NBAS: variants seen among roughly 807,000 people sequenced by gnomAD.
NBAS encodes the protein NBAS subunit of NRZ tethering complex.
A neutral mutation model predicts 302.5 loss-of-function variants in NBAS; 219 were observed. That is an observed-to-expected ratio of 0.72 (90% CI 0.65 to 0.81). The LOEUF is 0.81. Among genes scored for constraint, NBAS ranks in the 30% least tolerant of loss-of-function variants. The pLI is 0.00. For synonymous variants in NBAS, 1,118 were observed against 1,021.6 expected (o/e 1.09, Z -1.80); for missense variants, 2,932 against 2,841.6 (o/e 1.03, Z -0.72).
At chr2:15,172,721 G>C (rs932348120) in intron 51 of NBAS, among the ~76,000 whole-genome samples, 10 of 152,192 alleles carry the variant, frequency 6.6e-5, no homozygotes, top group African/African-American at 2.4e-4. Flanking sequence ...GTCATTTTTG[G>C]ATGCGGTTTG....
intron 38 of NBAS, among the ~76,000 whole-genome samples, chr2:15,325,377 A>T (rs1048004188): frequency 7.1e-6 from 1 of 141,636 alleles, no homozygotes; most frequent in African/African-American, 2.8e-5. Context: ...AAAATCCTTT[A>T]TTGCTAAAAA....
intron 28 of NBAS, among the ~76,000 whole-genome samples, chr2:15,391,870 G>C (rs556412457): frequency 1.4e-5 from 2 of 147,798 alleles, no homozygotes; most frequent in Non-Finnish European, 3.0e-5. Flanking sequence ...TTTCTGTACC[G>C]TAGCATACTA....
At chr2:14,973,241 A>G in the NBAS span, among the ~76,000 whole-genome samples, 1 of 152,186 alleles carries the variant, frequency 6.6e-6, no homozygotes, top group Admixed American at 6.5e-5. Context: ...TGAAGTGACC[A>G]CCTGTTGACA....
At chr2:14,846,850 T>A in the NBAS span, among the ~76,000 whole-genome samples, 20 of 150,898 alleles carry the variant, frequency 1.3e-4, no homozygotes, top group African/African-American at 4.9e-4. Context: ...AAAAGTTAAA[T>A]CATACCACCA....
chr2:15,317,446 C>T (rs1186608338), intron 38 of NBAS, among the ~76,000 whole-genome samples: 1 of 152,184 alleles, frequency 6.6e-6, no homozygotes, highest in Non-Finnish European at 1.5e-5. Context: ...TAATAACAAA[C>T]TTCTCCGAGC....
the NBAS span, among the ~76,000 whole-genome samples, chr2:14,815,925 G>T: frequency 6.6e-6 from 1 of 152,072 alleles, no homozygotes; most frequent in Admixed American, 6.6e-5. Flanking sequence ...TCACACATTG[G>T]TAATTAAATA....
the NBAS span, among the ~76,000 whole-genome samples, chr2:15,121,769 G>A: frequency 6.6e-6 from 1 of 150,918 alleles, no homozygotes; most frequent in Non-Finnish European, 1.5e-5. Context: ...CAAACTTTAT[G>A]GGACTAACCC....
intron 21 of NBAS, among the ~76,000 whole-genome samples, chr2:15,432,827 A>T (rs1677828933): frequency 6.6e-6 from 1 of 152,236 alleles, no homozygotes; most frequent in African/African-American, 2.4e-5. Context: ...AAAGCTAGTT[A>T]TCACTCATAA....
intron 38 of NBAS, among the ~76,000 whole-genome samples, chr2:15,317,409 T>A (rs571856924): frequency 1.3e-5 from 2 of 152,286 alleles, no homozygotes; most frequent in East Asian, 1.9e-4. Context: ...TTTGACAAGT[T>A]AACAGAAGTA....
chr2:15,061,819 C>T, the NBAS span, among the ~76,000 whole-genome samples: 1 of 151,880 alleles, frequency 6.6e-6, no homozygotes, highest in African/African-American at 2.4e-5. Flanking sequence ...GGCTAAAACC[C>T]TTAGTTTATA....
At position 15,473,075 on chromosome 2, in the gene NBAS, G is replaced by C; in HGVS notation, c.1725+147C>G. The C allele has an allele frequency of 3.4e-6, 3 of 888,078 alleles. No individual in the cohort carries two copies. The East Asian group carries it at 8.4e-5, about 25-fold the overall frequency. 55.0% of individuals were successfully genotyped at this position (888,078 alleles called of 1,614,324 possible). On this transcript the variant is annotated intron_variant, in intron 16 of 51. Coordinates refer to ENST00000281513, the MANE Select transcript of NBAS (RefSeq NM_015909.4). ...CAGGGGCAATAAAATCTAACAAAAAGACCATTTTTCCAGCTGAGAAAATTG... is the reference window on the plus strand; with the variant it reads ...CAGGGGCAATAAAATCTAACAAAAACACCATTTTTCCAGCTGAGAAAATTG...
At chr2:14,920,574 A>C in the NBAS span, among the ~76,000 whole-genome samples, 8 of 152,322 alleles carry the variant, frequency 5.3e-5, no homozygotes, top group Middle Eastern at 3.4e-3. Context: ...GTCTAGATTA[A>C]AAATCTGGTG....
At chr2:15,211,258 G>A (rs1023066494) in intron 48 of NBAS, among the ~76,000 whole-genome samples, 8 of 151,796 alleles carry the variant, frequency 5.3e-5, no homozygotes, top group African/African-American at 1.9e-4. Flanking sequence ...CACCTACTAT[G>A]TACCCACAAA....
At chr2:15,067,206 G>A in the NBAS span, among the ~76,000 whole-genome samples, 73,651 of 145,154 alleles carry the variant, frequency 0.51, 21,207 homozygotes, top group Non-Finnish European at 0.63. Context: ...TTAGCCAGGT[G>A]TGGTGGTGCA....
At chr2:14,840,114 T>C in the NBAS span, among the ~76,000 whole-genome samples, 9 of 151,728 alleles carry the variant, frequency 5.9e-5, no homozygotes, top group Non-Finnish European at 1.0e-4. Context: ...AACAGAAATC[T>C]TGGAACTAAG....
At chr2:15,369,670 A>T (rs1365407727) in intron 31 of NBAS, among the ~76,000 whole-genome samples, 1 of 152,250 alleles carries the variant, frequency 6.6e-6, no homozygotes, top group Non-Finnish European at 1.5e-5. Context: ...TTCAACTCCT[A>T]AAATTCCTTT....
chr2:15,271,921 C>G (rs551740769), intron 44 of NBAS, among the ~76,000 whole-genome samples: 1 of 151,668 alleles, frequency 6.6e-6, no homozygotes, highest in Non-Finnish European at 1.5e-5. Flanking sequence ...ACAACAACAA[C>G]AAAAAAAAGC....
chr2:15,337,880 C>T (rs779875394), intron 35 of NBAS, among the ~76,000 whole-genome samples: 18 of 152,200 alleles, frequency 1.2e-4, no homozygotes, highest in Non-Finnish European at 2.5e-4. Flanking sequence ...ATGATTACTA[C>T]TGCCACTTTT....
At chr2:15,246,787 G>A (rs1460886375) in intron 44 of NBAS, among the ~76,000 whole-genome samples, 1 of 152,194 alleles carries the variant, frequency 6.6e-6, no homozygotes, top group Non-Finnish European at 1.5e-5. Context: ...AGTGCACACC[G>A]TGCATCTGCC....
Sources: allele counts gnomAD v4.1 joint callset (sites outside exome capture counted in the v4.1 genomes callset), GRCh38; gene constraint gnomAD v4.1.1; transcripts MANE v1.5; gene names NCBI Gene and HGNC (gene_info 2026-07-23, HGNC 2026-07-21).